The following PDE1C variants were observed in gnomAD, a reference collection of about 807,000 sequenced individuals.
PDE1C encodes phosphodiesterase 1C.
Under a neutral mutation model 93.1 loss-of-function variants are expected in PDE1C, and 62 were observed. The ratio of observed to expected loss-of-function variants is 0.67; its 90% confidence interval spans 0.54 to 0.82. PDE1C has a LOEUF of 0.82. Among genes scored for constraint, PDE1C ranks in the 40% least tolerant of loss-of-function variants. PDE1C has a pLI of 0.00. For synonymous variants in PDE1C, 325 were observed against 310.1 expected (o/e 1.05, Z -0.50); for missense variants, 742 against 884.6 (o/e 0.84, Z 2.04).
chr7:32,292,119 T>A (rs1297019152), intron 1 of PDE1C, among the ~76,000 whole-genome samples: 1 of 152,200 alleles, frequency 6.6e-6, no homozygotes, highest in Non-Finnish European at 1.5e-5. Context: ...AAGCTACAGT[T>A]TCATTATGAC....
chr7:32,281,737 G>A (rs549731223), intron 1 of PDE1C, among the ~76,000 whole-genome samples: 4 of 152,202 alleles, frequency 2.6e-5, no homozygotes, highest in Admixed American at 6.5e-5. Context: ...TGTTTGTTGC[G>A]GCACTATTCA....
chr7:32,230,436 G>C (rs1476522531), intron 1 of PDE1C, among the ~76,000 whole-genome samples: 1 of 152,110 alleles, frequency 6.6e-6, no homozygotes, highest in Non-Finnish European at 1.5e-5. Context: ...GACTCCCCAA[G>C]GTGCAGCTTC....
At chr7:31,936,731 G>A (rs994061069) in intron 2 of PDE1C, among the ~76,000 whole-genome samples, 3 of 152,092 alleles carry the variant, frequency 2.0e-5, no homozygotes, top group African/African-American at 7.2e-5. Context: ...ATTGAAGTTA[G>A]GCATACAAAG....
chr7:31,836,358 CAG>C (rs1791102942), intron 11 of PDE1C, among the ~76,000 whole-genome samples: 1 of 152,008 alleles, frequency 6.6e-6, no homozygotes, highest in Admixed American at 6.6e-5. Flanking sequence ...TTTTCTGAGA[CAG>C]AGTCTCGCGC....
At chr7:32,294,988 C>T (rs545183417) in intron 1 of PDE1C, among the ~76,000 whole-genome samples, 1 of 152,176 alleles carries the variant, frequency 6.6e-6, no homozygotes, top group Non-Finnish European at 1.5e-5. Context: ...GTTTCCAAGA[C>T]CTTTTGACCA....
At chr7:31,976,259 C>T (rs909427247) in intron 2 of PDE1C, among the ~76,000 whole-genome samples, 12 of 152,120 alleles carry the variant, frequency 7.9e-5, no homozygotes, top group Non-Finnish European at 7.4e-5. Flanking sequence ...GAAATGTATT[C>T]ATTCAACAAC....
chr7:31,645,189 C>T, the PDE1C span, among the ~76,000 whole-genome samples: 1 of 152,074 alleles, frequency 6.6e-6, no homozygotes, highest in Non-Finnish European at 1.5e-5. Flanking sequence ...AAAGAAGTGT[C>T]CGACTTTAAA....
the PDE1C span, among the ~76,000 whole-genome samples, chr7:31,709,158 G>A: frequency 6.6e-6 from 1 of 152,188 alleles, no homozygotes; most frequent in Non-Finnish European, 1.5e-5. Flanking sequence ...TGTCTGCAGA[G>A]ATGCTCGATA....
chr7:32,258,544 T>C (rs1262958535), intron 1 of PDE1C, among the ~76,000 whole-genome samples: 2 of 152,192 alleles, frequency 1.3e-5, no homozygotes, highest in Non-Finnish European at 2.9e-5. Flanking sequence ...AAATTCTCCA[T>C]TAACAAGCTG....
intron 17 of PDE1C, among the ~76,000 whole-genome samples, chr7:31,758,201 C>A (rs180725079): frequency 2.0e-5 from 3 of 152,134 alleles, no homozygotes; most frequent in South Asian, 2.1e-4. Flanking sequence ...ATGTAAATGA[C>A]GAGTTAATGG....
intron 7 of PDE1C, 107 bp from the exon 8 acceptor site, chr7:31,850,848 C>T (rs1434066004): frequency 6.4e-6 from 5 of 779,126 alleles, no homozygotes; most frequent in East Asian, 2.5e-5. Flanking sequence ...AGCTGGTAAG[C>T]TATTGCCAAA....
chr7:32,062,688 G>A (rs1744412172), intron 1 of PDE1C, among the ~76,000 whole-genome samples: 1 of 152,166 alleles, frequency 6.6e-6, no homozygotes, highest in Non-Finnish European at 1.5e-5. Flanking sequence ...AGTAATTTAT[G>A]GAAGTATTGT....
intron 1 of PDE1C, among the ~76,000 whole-genome samples, chr7:32,342,125 A>G (rs1250662994): frequency 6.6e-6 from 1 of 152,164 alleles, no homozygotes; most frequent in Non-Finnish European, 1.5e-5. Context: ...ATGAACACTA[A>G]TTACTTTGAA....
intron 1 of PDE1C, among the ~76,000 whole-genome samples, chr7:32,316,357 TGCC>T (rs1783172884): frequency 6.6e-6 from 1 of 152,224 alleles, no homozygotes; most frequent in East Asian, 1.9e-4. Flanking sequence ...AACGCACATC[TGCC>T]GTCTAAAGAC....
chr7:31,938,397 G>A (rs1805375880), intron 2 of PDE1C, among the ~76,000 whole-genome samples: 1 of 141,598 alleles, frequency 7.1e-6, no homozygotes, highest in Admixed American at 7.3e-5. Flanking sequence ...TCTCAAAAGA[G>A]AGCAGGCAAA....
intron 1 of PDE1C, among the ~76,000 whole-genome samples, chr7:32,227,397 C>T (rs1022117664): frequency 6.6e-6 from 1 of 152,152 alleles, no homozygotes; most frequent in Non-Finnish European, 1.5e-5. Context: ...TCCTTTCTGG[C>T]TCTTATGAAA....
At chr7:31,707,380 T>C in the PDE1C span, 1 of 1,058,036 alleles carries the variant, frequency 9.5e-7, no homozygotes, top group Non-Finnish European at 1.4e-6. Flanking sequence ...ATTTTTGTCA[T>C]CGTCTGACTT....
chr7:32,007,193 C>T (rs1029749859), intron 2 of PDE1C, among the ~76,000 whole-genome samples: 1 of 152,170 alleles, frequency 6.6e-6, no homozygotes, highest in African/African-American at 2.4e-5. Context: ...ATTTATCTGG[C>T]TGTGTCAGAG....
chr7:32,149,520 T>C (rs1286911849), intron 3 of PDE1C, among the ~76,000 whole-genome samples: 7 of 152,380 alleles, frequency 4.6e-5, no homozygotes, highest in Admixed American at 3.9e-4. Flanking sequence ...GCATTGCTTA[T>C]ATTACATTGC....
Sources: gnomAD v4.1 joint callset for allele counts (sites outside exome capture counted in the v4.1 genomes callset) on GRCh38, gnomAD v4.1.1 for gene constraint, MANE v1.5 for transcripts, NCBI Gene and HGNC (gene_info 2026-07-23, HGNC 2026-07-21) for gene names.